Variants in PRDM5 observed in about 807,000 individuals in gnomAD.
The protein encoded by PRDM5 is PR domain zinc finger protein 5.
PRDM5 carries 56 observed loss-of-function variants against 81.2 expected under a neutral mutation model. The observed-to-expected ratio is 0.69, with a 90% CI of 0.56 to 0.86. The LOEUF (loss-of-function observed/expected upper bound fraction) is 0.86, where lower values mean the gene tolerates loss of function less well. PRDM5 is among the 40% of genes least tolerant of loss of function. The pLI is 0.00. For missense variants in PRDM5, 697 were observed against 770.1 expected (o/e 0.91, Z 1.12); for synonymous variants, 267 against 256.4 (o/e 1.04, Z -0.39).
intron 3 of PRDM5, among the ~76,000 whole-genome samples, chr4:120,848,372 C>A (rs565311059): frequency 2.0e-5 from 3 of 152,240 alleles, no homozygotes; most frequent in Admixed American, 2.0e-4. Context: ...TAAGGCATTA[C>A]AACACAGGGG....
chr4:120,856,914 T>C (rs1348877356), intron 2 of PRDM5, among the ~76,000 whole-genome samples: 2 of 152,234 alleles, frequency 1.3e-5, no homozygotes, highest in African/African-American at 4.8e-5. Context: ...GAAGTGTATT[T>C]GGTTACTATC....
chr4:120,917,730 T>A (rs1257291995), intron 1 of PRDM5, among the ~76,000 whole-genome samples: 1 of 151,698 alleles, frequency 6.6e-6, no homozygotes, highest in Non-Finnish European at 1.5e-5. Context: ...TTCCACAAGA[T>A]ACCGTCGAAA....
At chr4:120,725,282 T>C (rs1739234289) in intron 14 of PRDM5, among the ~76,000 whole-genome samples, 1 of 152,054 alleles carries the variant, frequency 6.6e-6, no homozygotes, top group African/African-American at 2.4e-5. Context: ...TTGTTTTTTT[T>C]TTTTCTGTAA....
rs1365009038 is a variant in PRDM5 at position 120,777,282 on chromosome 4, C to T, written c.1444-1G>A. The T allele has an allele frequency of 6.2e-7, 1 of 1,612,838 alleles. No homozygotes were observed. Among genetic ancestry groups the T allele is most frequent in the Admixed American group, 1.7e-5 (1 of 59,930 alleles). The stretch of plus-strand genomic sequence containing the variant: ...TTTTCTCCTTTTCTCCTGTATGTGT[C>T]TAAAAGGAAAGGGATAAAAAGGCTA... On this transcript the variant is annotated splice_acceptor_variant, in intron 12 of 15. Transcript: ENST00000264808. LOFTEE classifies it high-confidence loss of function.
chr4:120,896,322 G>A (rs903501911), intron 2 of PRDM5: 2 of 152,084 alleles, frequency 1.3e-5, no homozygotes, highest in Non-Finnish European at 2.9e-5. Flanking sequence ...CACTCTACTT[G>A]AGATGAAATT....
intron 10 of PRDM5, 84 bp downstream of exon 10, chr4:120,798,183 T>G: frequency 1.9e-6 from 2 of 1,064,816 alleles, no homozygotes; most frequent in East Asian, 2.7e-5. Context: ...AGGCCCCAGA[T>G]GTACAAAAGC....
chr4:120,909,308 T>C (rs946136332), intron 1 of PRDM5, among the ~76,000 whole-genome samples: 10 of 152,142 alleles, frequency 6.6e-5, no homozygotes, highest in Admixed American at 6.6e-4. Flanking sequence ...AGCTTTCCAT[T>C]GACTACAATT....
At chr4:120,757,415 G>T (rs1005905412) in intron 13 of PRDM5, among the ~76,000 whole-genome samples, 4 of 152,170 alleles carry the variant, frequency 2.6e-5, no homozygotes, top group Non-Finnish European at 4.4e-5. Context: ...ATCCAGATTC[G>T]TCTAAAGTAG....
At chr4:120,864,742 T>C (rs1437682470) in intron 2 of PRDM5, among the ~76,000 whole-genome samples, 1 of 152,220 alleles carries the variant, frequency 6.6e-6, no homozygotes, top group Non-Finnish European at 1.5e-5. Context: ...AATAAGAAAT[T>C]GATCTGTACT....
At chr4:120,808,676 G>A (rs1439010073) in intron 8 of PRDM5, among the ~76,000 whole-genome samples, 1 of 152,170 alleles carries the variant, frequency 6.6e-6, no homozygotes, top group Non-Finnish European at 1.5e-5. Context: ...CACTCCTCCT[G>A]AGAGGCTCGG....
At position 120,735,636 on chromosome 4, in the gene PRDM5, C is replaced by T. The variant is rs567992355; in HGVS notation, c.1623+18917G>A. ...GATTTTAACCACAGATGTTTTATTC[C>T]TTGCTCTAAAGCAGTGGGAGAAAGA... On this transcript the variant is annotated intron_variant, in intron 14 of 15. Transcript: ENST00000264808. 2.6e-5 allele frequency among the ~76,000 whole-genome samples: 4 copies of T among 152,188 alleles called. No homozygotes were observed. The East Asian group carries it at 7.8e-4, about 29-fold the overall frequency.
chr4:120,826,703 G>A (rs1014838228), intron 3 of PRDM5, among the ~76,000 whole-genome samples: 4 of 152,128 alleles, frequency 2.6e-5, no homozygotes, highest in African/African-American at 9.7e-5. Flanking sequence ...ACTAAGCCAG[G>A]TCACAGATAG....
At chr4:120,747,652 G>C (rs990962533) in intron 14 of PRDM5, among the ~76,000 whole-genome samples, 4 of 152,100 alleles carry the variant, frequency 2.6e-5, no homozygotes, top group Non-Finnish European at 5.9e-5. Context: ...GTTAAACCCA[G>C]ACCTACATCT....
chr4:120,853,571 T>C (rs562029886), intron 2 of PRDM5, 31 bp from the exon 3 acceptor site: 13 of 1,613,306 alleles, frequency 8.1e-6, no homozygotes, highest in African/African-American at 4.0e-5. Flanking sequence ...GAGTTTACAA[T>C]GGAAGTCAGA....
chr4:120,869,175 C>T (rs1490369545), intron 2 of PRDM5, among the ~76,000 whole-genome samples: 1 of 152,030 alleles, frequency 6.6e-6, no homozygotes, highest in African/African-American at 2.4e-5. Context: ...CTAAGCTGCA[C>T]TAAAAATTCT....
rs761655563 is a variant in PRDM5 at position 120,700,661 on chromosome 4, T to C, written c.1729-5386A>G. 3.0e-4 allele frequency among the ~76,000 whole-genome samples: 46 copies of C among 152,274 alleles called. No individual in the cohort carries two copies. In the Middle Eastern group the frequency reaches 0.02, roughly 68 times the overall value. ...TCTGTATTTTTAAATAAAACATATA[T>C]ATGCACTACTGTATTTATATATTAT... On this transcript the variant is annotated intron_variant, in intron 15 of 15. Transcript: ENST00000264808.
At chr4:120,750,360 C>A (rs373196956) in intron 14 of PRDM5, among the ~76,000 whole-genome samples, 1 of 152,138 alleles carries the variant, frequency 6.6e-6, no homozygotes, top group Non-Finnish European at 1.5e-5. Context: ...CAAGCACCAG[C>A]GGGCTACTGC....
intron 2 of PRDM5, among the ~76,000 whole-genome samples, chr4:120,858,690 C>T (rs34371247): frequency 0.2 from 30,902 of 152,028 alleles, 3,462 homozygotes; most frequent in Non-Finnish European, 0.25. Context: ...GTAATCCTAA[C>T]CCATGGATTC....
chr4:120,817,020 C>T (rs1212093417), intron 5 of PRDM5, 96 bp from the exon 6 acceptor site: 16 of 1,039,460 alleles, frequency 1.5e-5, no homozygotes, highest in South Asian at 4.0e-5. Flanking sequence ...AAGTCATGTT[C>T]GTGATCCCTT....
Sources: gnomAD v4.1 joint callset for allele counts (sites outside exome capture counted in the v4.1 genomes callset) on GRCh38, gnomAD v4.1.1 for gene constraint, MANE v1.5 for transcripts, NCBI Gene and HGNC (gene_info 2026-07-23, HGNC 2026-07-21) for gene names.